MYO10: variants seen among roughly 807,000 people sequenced by gnomAD.
MYO10 encodes the protein myosin X.
In MYO10, 133 loss-of-function variants were observed where a neutral mutation model predicts 257.3. That is an observed-to-expected ratio of 0.52 (90% CI 0.45 to 0.60). MYO10 has a LOEUF of 0.60. Among genes scored for constraint, MYO10 ranks in the 20% least tolerant of loss-of-function variants. The pLI is 0.00. For missense variants in MYO10, 2,399 were observed against 2,635.7 expected (o/e 0.91, Z 1.97); for synonymous variants, 1,104 against 1,028.6 (o/e 1.07, Z -1.40).
chr5:16,883,853 A>G (rs1256804783), intron 1 of MYO10, among the ~76,000 whole-genome samples: 1 of 152,232 alleles, frequency 6.6e-6, no homozygotes, highest in East Asian at 1.9e-4. Context: ...AACCCTAAAA[A>G]GAGATGACAG....
intron 19 of MYO10, among the ~76,000 whole-genome samples, chr5:16,751,558 G>A (rs1364339477): frequency 6.6e-6 from 1 of 151,860 alleles, no homozygotes; most frequent in Non-Finnish European, 1.5e-5. Flanking sequence ...CTCAGCTCAT[G>A]GCAACCACCA....
chr5:16,700,628 A>G (rs399045), intron 25 of MYO10, among the ~76,000 whole-genome samples: 16,587 of 152,024 alleles, frequency 0.11, 2,507 homozygotes, highest in African/African-American at 0.34. Context: ...AGTGAGGCAA[A>G]ATCCTGCCAA....
intron 6 of MYO10, 85 bp from the exon 7 acceptor site, chr5:16,780,826 G>C (rs1366278637): frequency 7.5e-7 from 1 of 1,338,374 alleles, no homozygotes; most frequent in African/African-American, 1.5e-5. Flanking sequence ...CTATTCTTTG[G>C]TGCTCAAATA....
chr5:16,850,327 G>A (rs1743763551), intron 2 of MYO10, among the ~76,000 whole-genome samples: 2 of 152,126 alleles, frequency 1.3e-5, no homozygotes, highest in South Asian at 2.1e-4. Context: ...AGGCTGGAGT[G>A]CAGTGGCACG....
chr5:16,861,223 T>A (rs1744098735), intron 2 of MYO10, among the ~76,000 whole-genome samples: 2 of 150,698 alleles, frequency 1.3e-5, no homozygotes, highest in Admixed American at 1.3e-4. Context: ...TTTTTTTTTC[T>A]TTAAATTGGC....
chr5:16,802,638 CAG>C (rs1560992671), intron 3 of MYO10, among the ~76,000 whole-genome samples: 1 of 111,406 alleles, frequency 9.0e-6, no homozygotes, highest in Non-Finnish European at 1.7e-5. Flanking sequence ...GCCTGGGGGA[CAG>C]AGCGAGACTG....
intron 37 of MYO10, among the ~76,000 whole-genome samples, chr5:16,672,294 C>CCAAAAAA (rs1736502446): frequency 8.2e-6 from 1 of 122,280 alleles, no homozygotes; most frequent in African/African-American, 3.2e-5. Flanking sequence ...GACTCCATCT[C>CCAAAAAA]AAAAAAAAAA....
At chr5:16,735,244 G>A (rs1222587159) in intron 19 of MYO10, among the ~76,000 whole-genome samples, 1 of 152,194 alleles carries the variant, frequency 6.6e-6, no homozygotes, top group African/African-American at 2.4e-5. Context: ...TTCCTTGAGA[G>A]GAAAACCTTA....
chr5:16,926,488 G>A (rs918182260), intron 1 of MYO10, among the ~76,000 whole-genome samples: 2 of 152,086 alleles, frequency 1.3e-5, no homozygotes, highest in South Asian at 2.1e-4. Context: ...GATCAATTGA[G>A]GTCACAAGCT....
chr5:16,697,024 T>C (rs1031460104), intron 26 of MYO10, among the ~76,000 whole-genome samples: 3 of 144,926 alleles, frequency 2.1e-5, no homozygotes, highest in African/African-American at 7.5e-5. Context: ...TAAATACTTA[T>C]TGGATCAAAG....
At chr5:16,722,627 G>A (rs553923501) in intron 19 of MYO10, among the ~76,000 whole-genome samples, 1 of 152,182 alleles carries the variant, frequency 6.6e-6, no homozygotes, top group African/African-American at 2.4e-5. Flanking sequence ...AGAATAATTG[G>A]ACAGCAATAT....
intron 1 of MYO10, among the ~76,000 whole-genome samples, chr5:16,897,545 C>T (rs1359010723): frequency 6.6e-6 from 1 of 152,214 alleles, no homozygotes; most frequent in African/African-American, 2.4e-5. Context: ...CTACAGAATG[C>T]AGATGTGCTG....
chr5:16,787,633 A>C (rs1197798942), intron 4 of MYO10, among the ~76,000 whole-genome samples: 1 of 110,296 alleles, frequency 9.1e-6, no homozygotes, highest in African/African-American at 3.2e-5. Context: ...AAAAAAAAAA[A>C]ACTTTCTAAC....
chr5:16,719,233 C>G (rs1363021752), intron 19 of MYO10, among the ~76,000 whole-genome samples: 1 of 152,132 alleles, frequency 6.6e-6, no homozygotes, highest in Non-Finnish European at 1.5e-5. Context: ...GGGACAGACT[C>G]TAGACGCGCC....
chr5:16,784,685 G>A (rs1357099455), intron 4 of MYO10, among the ~76,000 whole-genome samples: 1 of 152,252 alleles, frequency 6.6e-6, no homozygotes, highest in African/African-American at 2.4e-5. Context: ...CCGCTGAATG[G>A]TGGGATGGGC....
intron 1 of MYO10, among the ~76,000 whole-genome samples, chr5:16,921,698 A>G (rs1269248737): frequency 6.6e-6 from 1 of 152,086 alleles, no homozygotes; most frequent in African/African-American, 2.4e-5. Flanking sequence ...ATCAAGTTTC[A>G]TCTGTGGCCT....
At chr5:16,928,578 G>A (rs1024425590) in intron 1 of MYO10, among the ~76,000 whole-genome samples, 7 of 152,046 alleles carry the variant, frequency 4.6e-5, no homozygotes, top group African/African-American at 1.7e-4. Flanking sequence ...GGGCATGACG[G>A]CTCACACCTG....
chr5:16,759,752 T>C (rs1003619412), intron 17 of MYO10, among the ~76,000 whole-genome samples: 1 of 152,218 alleles, frequency 6.6e-6, no homozygotes, highest in Non-Finnish European at 1.5e-5. Context: ...ACTAAGAAAT[T>C]GCTTTGACAG....
intron 3 of MYO10, among the ~76,000 whole-genome samples, chr5:16,809,777 G>C (rs971399861): frequency 6.6e-6 from 1 of 152,288 alleles, no homozygotes; most frequent in South Asian, 2.1e-4. Flanking sequence ...TGGCTCCTTT[G>C]ATTCTGATCT....
Sources: gnomAD v4.1 joint callset for allele counts (sites outside exome capture counted in the v4.1 genomes callset) on GRCh38, gnomAD v4.1.1 for gene constraint, MANE v1.5 for transcripts, NCBI Gene and HGNC (gene_info 2026-07-23, HGNC 2026-07-21) for gene names.